RSU1: variants seen among roughly 807,000 people sequenced by gnomAD.
RSU1 encodes the protein rsu-1.
In RSU1, 26 loss-of-function variants were observed where a neutral mutation model predicts 31.1. That is an observed-to-expected ratio of 0.84 (90% CI 0.61 to 1.16). The LOEUF (loss-of-function observed/expected upper bound fraction) is 1.16. RSU1 is among the 50% of genes most tolerant of loss of function. The pLI, the probability that RSU1 is intolerant of heterozygous loss-of-function variation, is 0.00. For missense variants in RSU1, 320 were observed against 339.1 expected (o/e 0.94, Z 0.44); for synonymous variants, 164 against 136.3 (o/e 1.20, Z -1.41).
chr10:16,813,456 T>C (rs7074647), intron 2 of RSU1, among the ~76,000 whole-genome samples: 35,543 of 152,106 alleles, frequency 0.23, 4,628 homozygotes, highest in African/African-American at 0.35. Context: ...GACATATGGG[T>C]CTATAGCTGG....
intron 3 of RSU1, among the ~76,000 whole-genome samples, chr10:16,778,105 C>G (rs1837573353): frequency 6.7e-6 from 1 of 149,514 alleles, no homozygotes; most frequent in Non-Finnish European, 1.5e-5. Flanking sequence ...ACTGCAGCCT[C>G]AAACTCCTGG....
chr10:16,778,217 C>T (rs1837576123), intron 3 of RSU1, among the ~76,000 whole-genome samples: 1 of 151,826 alleles, frequency 6.6e-6, no homozygotes, highest in Non-Finnish European at 1.5e-5. Context: ...GGCTGAAGGT[C>T]ATGTATCTTT....
intron 8 of RSU1, among the ~76,000 whole-genome samples, chr10:16,670,316 C>CT: frequency 6.6e-6 from 1 of 152,180 alleles, no homozygotes; most frequent in Non-Finnish European, 1.5e-5. Flanking sequence ...CTAAAGACCC[C>CT]TTTTTATTCC....
intron 8 of RSU1, among the ~76,000 whole-genome samples, chr10:16,658,037 A>G (rs116261142): frequency 0.011 from 1,703 of 152,284 alleles, 28 homozygotes; most frequent in African/African-American, 0.039. Context: ...TTGGTTCATG[A>G]CAAGATGCAA....
At chr10:16,701,624 AC>A in intron 7 of RSU1, among the ~76,000 whole-genome samples, 2 of 152,174 alleles carry the variant, frequency 1.3e-5, no homozygotes, top group East Asian at 3.8e-4. Context: ...TTACACACAC[AC>A]ACACACACAA....
intron 7 of RSU1, among the ~76,000 whole-genome samples, chr10:16,717,879 TC>T (rs1367753232): frequency 1.3e-5 from 2 of 151,852 alleles, no homozygotes; most frequent in Non-Finnish European, 2.9e-5. Flanking sequence ...AAAGTGGAGA[TC>T]TACCACAATT....
intron 7 of RSU1, among the ~76,000 whole-genome samples, chr10:16,724,873 C>T (rs1836351725): frequency 6.6e-6 from 1 of 152,178 alleles, no homozygotes; most frequent in Non-Finnish European, 1.5e-5. Context: ...CTCTATGCAA[C>T]AATCGGGATC....
At chr10:16,753,809 C>G (rs1837028836) in intron 5 of RSU1, among the ~76,000 whole-genome samples, 1 of 152,146 alleles carries the variant, frequency 6.6e-6, no homozygotes, top group Non-Finnish European at 1.5e-5. Flanking sequence ...CGCTCTGTCA[C>G]CTAGGCTGGA....
intron 7 of RSU1, among the ~76,000 whole-genome samples, chr10:16,738,861 C>G (rs972092991): frequency 7.7e-6 from 1 of 129,910 alleles, no homozygotes; most frequent in African/African-American, 2.8e-5. Context: ...CCTCTCCTTG[C>G]CCCCCACCCC....
At chr10:16,799,251 T>C (rs950148274) in intron 2 of RSU1, among the ~76,000 whole-genome samples, 4 of 152,210 alleles carry the variant, frequency 2.6e-5, no homozygotes, top group Admixed American at 2.0e-4. Context: ...ATAGAGATTC[T>C]GGACGTTGTC....
intron 8 of RSU1, among the ~76,000 whole-genome samples, chr10:16,625,367 G>A (rs111856110): frequency 4.6e-4 from 70 of 152,260 alleles, no homozygotes; most frequent in African/African-American, 1.4e-3. Flanking sequence ...CCTGCCTCAC[G>A]AAAACAGTGG....
chr10:16,814,188 C>A lies in RSU1; in HGVS notation c.109+2785G>T, dbSNP rs547356637. 3.3e-5 allele frequency among the ~76,000 whole-genome samples: 5 copies of A among 152,176 alleles called. No individual in the cohort carries two copies. The East Asian group carries it at 9.7e-4, about 29-fold the overall frequency. Reference sequence around the variant, plus strand: ...GGTGTGGTAGCTCACATGTGTAATGCCAGCACTTTAGGAGGCCAAGATGGG... The same window carrying A: ...GGTGTGGTAGCTCACATGTGTAATGACAGCACTTTAGGAGGCCAAGATGGG... On this transcript the variant is annotated intron_variant, in intron 2 of 8. Transcript: ENST00000345264.
chr10:16,722,911 T>C lies in RSU1; in HGVS notation c.599-27756A>G, dbSNP rs553854008. 5.7e-4 allele frequency among the ~76,000 whole-genome samples: 84 copies of C among 148,644 alleles called. 2 individuals are homozygous for C. In the East Asian group the frequency reaches 0.016, roughly 29 times the overall value. On this transcript the variant is annotated intron_variant, in intron 7 of 8. Coordinates refer to ENST00000345264, the MANE Select transcript of RSU1 (RefSeq NM_012425.4). ...ACATATATGTATATATACACACATA[T>C]ACATATATGTATATATACACACATA... is the stretch of plus-strand genomic sequence containing the variant.
rs562570811 is a variant in RSU1 at position 16,667,059 on chromosome 10, A to G, written c.731+27964T>C. Among the ~76,000 whole-genome samples, 26 of 152,110 alleles carry G rather than the reference A, an allele frequency of 1.7e-4. No homozygotes were observed. In the East Asian group the frequency reaches 5.0e-3, roughly 29 times the overall value. ...ACAACAACAACAACAACAACAAAAAACAAAGAAAAAAACAAGTTATCTGTT... is the reference window on the plus strand; with the variant it reads ...ACAACAACAACAACAACAACAAAAAGCAAAGAAAAAAACAAGTTATCTGTT... On this transcript the variant is annotated intron_variant, in intron 8 of 8. Coordinates refer to ENST00000345264, the MANE Select transcript of RSU1 (RefSeq NM_012425.4).
chr10:16,748,765 C>T (rs1436174952), intron 7 of RSU1, among the ~76,000 whole-genome samples: 1 of 151,800 alleles, frequency 6.6e-6, no homozygotes, highest in African/African-American at 2.4e-5. Flanking sequence ...TGTCAGGGGA[C>T]CTCCCTCCTT....
chr10:16,675,368 C>T (rs907264463), intron 8 of RSU1, among the ~76,000 whole-genome samples: 2 of 152,182 alleles, frequency 1.3e-5, no homozygotes, highest in Non-Finnish European at 2.9e-5. Context: ...TCTACCTAGA[C>T]ATCAGGTGAC....
chr10:16,687,671 A>T (rs1474724713), intron 8 of RSU1, among the ~76,000 whole-genome samples: 1 of 152,166 alleles, frequency 6.6e-6, no homozygotes, highest in African/African-American at 2.4e-5. Flanking sequence ...CTGATACCTC[A>T]TGATCACATA....
chr10:16,620,452 C>G (rs1180210743), intron 8 of RSU1, among the ~76,000 whole-genome samples: 1 of 151,832 alleles, frequency 6.6e-6, no homozygotes, highest in Non-Finnish European at 1.5e-5. Context: ...CCTAACTCAC[C>G]TCTACAGTGG....
At chr10:16,709,730 A>G (rs911660244) in intron 7 of RSU1, among the ~76,000 whole-genome samples, 7 of 152,174 alleles carry the variant, frequency 4.6e-5, no homozygotes, top group African/African-American at 1.4e-4. Flanking sequence ...TTTGATTTGC[A>G]TTTCTCTGAT....
Sources: allele counts gnomAD v4.1 joint callset (sites outside exome capture counted in the v4.1 genomes callset), GRCh38; gene constraint gnomAD v4.1.1; transcripts MANE v1.5; gene names NCBI Gene and HGNC (gene_info 2026-07-23, HGNC 2026-07-21).